Variants in KIAA1671 observed in about 807,000 individuals in gnomAD.
KIAA1671 encodes uncharacterized protein KIAA1671.
In KIAA1671, 52 loss-of-function variants were observed where a neutral mutation model predicts 131.2. The observed-to-expected ratio is 0.40, with a 90% CI of 0.32 to 0.50. The LOEUF is 0.50. KIAA1671 is among the 20% of genes least tolerant of loss of function. The probability of loss-of-function intolerance (pLI) is 0.73; values close to 1 mark genes in which losing one functional copy is unlikely to be tolerated. For missense variants in KIAA1671, 2,360 were observed against 2,364.2 expected (o/e 1.00, Z 0.04); for synonymous variants, 1,003 against 961.6 (o/e 1.04, Z -0.80).
At chr22:24,973,389 GTTTTTTTTTT>G (rs57519039) in intron 1 of KIAA1671, among the ~76,000 whole-genome samples, 3 of 71,642 alleles carry the variant, frequency 4.2e-5, no homozygotes, top group Admixed American at 2.1e-4. Flanking sequence ...GCATATGATG[GTTTTTTTTTT>G]TTTTTTTTTT....
In KIAA1671 at chr22:25,028,531, G is replaced by A; in HGVS notation, c.532G>A (p.Val178Met). 1 of 1,549,862 alleles carries A rather than the reference G, an allele frequency of 6.5e-7. No homozygotes were observed. Among genetic ancestry groups the A allele is most frequent in the East Asian group, 2.4e-5 (1 of 40,898 alleles). Residue 178 changes from valine (V) to methionine (M), a missense_variant, in exon 3 of 13, where the codon GTG becomes ATG. Coordinates refer to ENST00000358431, the MANE Select transcript of KIAA1671 (RefSeq NM_001145206.2). The stretch of plus-strand genomic sequence containing the variant: ...AGGTGTGTCCGGCTCCCGGCCTGAG[G>A]TGGCTGCCAAGCCCGCCCTGCCCAC... ...KLGVSGSRPE[V>M]AAKPALPTQK...
At chr22:25,139,914 TGGA>T (rs1932782193) in intron 6 of KIAA1671, among the ~76,000 whole-genome samples, 1 of 152,198 alleles carries the variant, frequency 6.6e-6, no homozygotes, top group Non-Finnish European at 1.5e-5. Context: ...AGAAAGCACA[TGGA>T]GGTCTTTGTG....
intron 6 of KIAA1671, among the ~76,000 whole-genome samples, chr22:25,145,093 T>G (rs1045195104): frequency 2.0e-5 from 3 of 152,194 alleles, no homozygotes; most frequent in Non-Finnish European, 4.4e-5. Flanking sequence ...GGTGGATCCC[T>G]GAGGTCCCCA....
intron 6 of KIAA1671, among the ~76,000 whole-genome samples, chr22:25,107,613 A>C (rs1393839808): frequency 6.6e-6 from 1 of 151,416 alleles, no homozygotes. Flanking sequence ...TACTGGGACT[A>C]CAGGGTTCAA....
intron 6 of KIAA1671, among the ~76,000 whole-genome samples, chr22:25,117,640 C>A (rs976075881): frequency 6.6e-6 from 1 of 150,380 alleles, no homozygotes; most frequent in Non-Finnish European, 1.5e-5. Flanking sequence ...CACACACAGA[C>A]ACACTGCTTC....
intron 1 of KIAA1671, among the ~76,000 whole-genome samples, chr22:24,992,956 C>G (rs1347059134): frequency 6.6e-6 from 1 of 151,342 alleles, no homozygotes; most frequent in Non-Finnish European, 1.5e-5. Context: ...AGTTAAGAAA[C>G]TTACCCATGC....
chr22:24,984,937 A>G (rs944561565), intron 1 of KIAA1671, among the ~76,000 whole-genome samples: 6 of 144,686 alleles, frequency 4.1e-5, no homozygotes, highest in African/African-American at 7.8e-5. Flanking sequence ...AAAAAAAAAA[A>G]GCAGGCAAAC....
At chr22:25,053,541 A>G (rs999809920) in intron 6 of KIAA1671, 1 of 152,010 alleles carries the variant, frequency 6.6e-6, no homozygotes, top group Non-Finnish European at 1.5e-5. Context: ...CCTGAAACCT[A>G]TTGGTTAGCA....
intron 6 of KIAA1671, among the ~76,000 whole-genome samples, chr22:25,155,847 G>C (rs953616884): frequency 6.6e-6 from 1 of 150,976 alleles, no homozygotes. Context: ...GCATTTGCCT[G>C]TATATGTGTG....
At chr22:25,142,518 CT>C (rs1932821043) in intron 6 of KIAA1671, among the ~76,000 whole-genome samples, 1 of 152,116 alleles carries the variant, frequency 6.6e-6, no homozygotes, top group Non-Finnish European at 1.5e-5. Flanking sequence ...GTTTGAAATG[CT>C]TTTTTGGGTC....
intron 1 of KIAA1671, among the ~76,000 whole-genome samples, chr22:25,016,014 T>G (rs1324524943): frequency 2.2e-5 from 2 of 92,498 alleles, no homozygotes; most frequent in African/African-American, 1.5e-4. Context: ...TCACAGGGGC[T>G]TCTTTTTTTT....
chr22:25,027,642 C>G (rs1324219599), intron 2 of KIAA1671, among the ~76,000 whole-genome samples: 2 of 152,214 alleles, frequency 1.3e-5, no homozygotes, highest in African/African-American at 4.8e-5. Flanking sequence ...GAGATCACTG[C>G]TTTTTGCCAT....
intron 5 of KIAA1671, among the ~76,000 whole-genome samples, chr22:25,046,171 G>A (rs1158280419): frequency 5.3e-5 from 8 of 152,034 alleles, no homozygotes; most frequent in African/African-American, 1.9e-4. Context: ...GCTTGGTGGC[G>A]GGTGCCTGTA....
intron 1 of KIAA1671, among the ~76,000 whole-genome samples, chr22:25,018,296 A>T (rs1925452027): frequency 1.3e-5 from 2 of 152,034 alleles, no homozygotes; most frequent in South Asian, 4.1e-4. Flanking sequence ...GATTCGCCTG[A>T]AGGGCATGGG....
chr22:25,046,703 A>G (rs1011976249), intron 5 of KIAA1671, among the ~76,000 whole-genome samples: 4 of 152,078 alleles, frequency 2.6e-5, no homozygotes, highest in Non-Finnish European at 5.9e-5. Context: ...GCACATAGAA[A>G]TACATATTTT....
intron 6 of KIAA1671, chr22:25,102,571 T>A (rs1930745827): frequency 6.6e-6 from 1 of 151,816 alleles, no homozygotes; most frequent in Non-Finnish European, 1.5e-5. Context: ...GGCTCCCAAG[T>A]AGCTGGGACT....
Position 25,195,222 on chromosome 22 carries a change from T to A in KIAA1671, c.*2821T>A, listed in dbSNP as rs1934786786. ...CCACCACCCCTTTGCACATCAGCAT[T>A]TTAACAGCTGATCTTTTGAGAAGCC... On this transcript the variant is annotated 3_prime_UTR_variant, in exon 13 of 13. Coordinates refer to ENST00000358431, the MANE Select transcript of KIAA1671 (RefSeq NM_001145206.2). 1 of 152,194 alleles carries A rather than the reference T, an allele frequency of 6.6e-6. No individual in the cohort carries two copies. Among genetic ancestry groups the A allele is most frequent in the African/African-American group, 2.4e-5 (1 of 41,456 alleles). The allele number at this position is 152,194 out of a possible 1,614,324, so 9.4% of individuals were successfully genotyped here.
intron 1 of KIAA1671, among the ~76,000 whole-genome samples, chr22:25,009,083 G>A (rs1924892192): frequency 1.3e-5 from 2 of 152,088 alleles, no homozygotes; most frequent in Non-Finnish European, 2.9e-5. Context: ...GCATGGAAAC[G>A]GGAATGTGGA....
intron 1 of KIAA1671, among the ~76,000 whole-genome samples, chr22:25,007,483 T>C (rs1924811750): frequency 6.7e-6 from 1 of 148,568 alleles, no homozygotes; most frequent in East Asian, 2.0e-4. Context: ...AGACTCGGTC[T>C]CAAAAAGCAA....
Sources: allele counts gnomAD v4.1 joint callset (sites outside exome capture counted in the v4.1 genomes callset), GRCh38; gene constraint gnomAD v4.1.1; transcripts MANE v1.5; gene names NCBI Gene and HGNC (gene_info 2026-07-23, HGNC 2026-07-21).